Variants in DOK5 observed in about 807,000 individuals in gnomAD.
The protein encoded by DOK5 is docking protein 5.
In DOK5, 27 loss-of-function variants were observed where a neutral mutation model predicts 43.3. The ratio of observed to expected loss-of-function variants is 0.62; its 90% CI spans 0.46 to 0.86. The LOEUF is 0.86. Ranked by LOEUF, DOK5 falls within the 40% of genes least tolerant of loss-of-function variation. The pLI is 0.00. For missense variants in DOK5, 373 were observed against 392.9 expected, an observed-to-expected ratio of 0.95 and a Z score of 0.43; for synonymous variants, 146 against 140.1, an observed-to-expected ratio of 1.04 and a Z score of -0.30.
intron 6 of DOK5, among the ~76,000 whole-genome samples, chr20:54,631,930 C>G (rs995442677): frequency 2.6e-5 from 4 of 152,172 alleles, no homozygotes; most frequent in Non-Finnish European, 5.9e-5. Context: ...CAAGATTGCA[C>G]CATTGCACTC....
chr20:54,534,514 G>A (rs1017846242), intron 1 of DOK5, among the ~76,000 whole-genome samples: 2 of 152,152 alleles, frequency 1.3e-5, no homozygotes, highest in Admixed American at 1.3e-4. Flanking sequence ...TGTATTAGCT[G>A]TGTTACCTTG....
At chr20:54,490,286 A>G (rs1319770488) in intron 1 of DOK5, among the ~76,000 whole-genome samples, 1 of 152,224 alleles carries the variant, frequency 6.6e-6, no homozygotes. Flanking sequence ...TAAAAATTAA[A>G]TTATGAATTT....
intron 6 of DOK5, among the ~76,000 whole-genome samples, chr20:54,639,750 A>G (rs2180463): frequency 0.45 from 68,941 of 152,102 alleles, 17,452 homozygotes; most frequent in Middle Eastern, 0.67. Flanking sequence ...ACATACAGCA[A>G]AACCAATTTT....
At chr20:54,560,018 T>G (rs1984846136) in intron 2 of DOK5, among the ~76,000 whole-genome samples, 1 of 152,242 alleles carries the variant, frequency 6.6e-6, no homozygotes, top group South Asian at 2.1e-4. Context: ...CTAAGCTCAA[T>G]GTCAGACCTT....
intron 1 of DOK5, among the ~76,000 whole-genome samples, chr20:54,492,074 A>G (rs948189296): frequency 6.6e-6 from 1 of 151,894 alleles, no homozygotes; most frequent in African/African-American, 2.4e-5. Context: ...ATATAAATTC[A>G]TATGTCATAT....
At chr20:54,613,192 ATCTCTCTCTC>A (rs11468450) in intron 6 of DOK5, among the ~76,000 whole-genome samples, 2 of 142,968 alleles carry the variant, frequency 1.4e-5, no homozygotes. Flanking sequence ...TCTGCGCCTC[ATCTCTCTCTC>A]TCTCTCTCTC....
intron 2 of DOK5, among the ~76,000 whole-genome samples, chr20:54,571,790 C>A (rs1056930411): frequency 6.6e-6 from 1 of 152,126 alleles, no homozygotes; most frequent in Admixed American, 6.6e-5. Context: ...TGCAGCGTAC[C>A]AGCCCCTTTA....
chr20:54,492,781 C>A (rs1320452466), intron 1 of DOK5, among the ~76,000 whole-genome samples: 1 of 151,446 alleles, frequency 6.6e-6, no homozygotes, highest in Admixed American at 6.6e-5. Context: ...TGGCCAGGTG[C>A]GGTGGCTCAC....
At chr20:54,635,144 C>T (rs1010530852) in intron 6 of DOK5, among the ~76,000 whole-genome samples, 2 of 152,126 alleles carry the variant, frequency 1.3e-5, no homozygotes, top group Admixed American at 6.5e-5. Context: ...AAAACAGAGA[C>T]CTCAAGACTG....
intron 5 of DOK5, among the ~76,000 whole-genome samples, chr20:54,600,580 T>C (rs1986273491): frequency 6.6e-6 from 1 of 152,168 alleles, no homozygotes. Context: ...CTTCTCCCTG[T>C]GGAATCCAGG....
At chr20:54,617,674 G>A (rs914482333) in intron 6 of DOK5, among the ~76,000 whole-genome samples, 3 of 152,174 alleles carry the variant, frequency 2.0e-5, no homozygotes, top group African/African-American at 7.2e-5. Context: ...CAAAGGAAGG[G>A]CACCACACAA....
chr20:54,498,981 G>T (rs1026547953), intron 1 of DOK5, among the ~76,000 whole-genome samples: 1 of 152,190 alleles, frequency 6.6e-6, no homozygotes, highest in Admixed American at 6.5e-5. Flanking sequence ...ACTAATAGCT[G>T]GTTCTGTACA....
chr20:54,586,311 G>A (rs916172855), intron 2 of DOK5, among the ~76,000 whole-genome samples: 1 of 152,150 alleles, frequency 6.6e-6, no homozygotes, highest in Non-Finnish European at 1.5e-5. Context: ...GAAGAGAAAT[G>A]TTAGTTGACA....
chr20:54,643,601 C>T (rs41274718), intron 7 of DOK5, 23 bp downstream of exon 7: 90,453 of 1,607,386 alleles, frequency 0.056, 3,125 homozygotes, highest in Non-Finnish European at 0.068. Flanking sequence ...CTACCTGTGT[C>T]CAGGGTGTGG....
intron 1 of DOK5, among the ~76,000 whole-genome samples, chr20:54,547,698 A>G (rs1265280476): frequency 6.6e-6 from 1 of 152,222 alleles, no homozygotes; most frequent in Non-Finnish European, 1.5e-5. Flanking sequence ...GCTGAAAATT[A>G]GGTATAATAA....
intron 1 of DOK5, among the ~76,000 whole-genome samples, chr20:54,536,185 A>C (rs141771298): frequency 1.3e-5 from 2 of 152,340 alleles, no homozygotes; most frequent in African/African-American, 4.8e-5. Context: ...TATTGACTTG[A>C]GGTCAATTTG....
At chr20:54,495,315 G>A (rs751461903) in intron 1 of DOK5, among the ~76,000 whole-genome samples, 5 of 152,124 alleles carry the variant, frequency 3.3e-5, no homozygotes, top group Non-Finnish European at 5.9e-5. Context: ...CTCTTCCTGA[G>A]TACCTGTTTA....
intron 7 of DOK5, among the ~76,000 whole-genome samples, chr20:54,645,277 C>T (rs538488373): frequency 2.0e-5 from 3 of 147,584 alleles, no homozygotes; most frequent in East Asian, 4.1e-4. Context: ...CCTCCATGCC[C>T]GCTCTGAACC....
At chr20:54,481,514 C>A (rs747779845) in intron 1 of DOK5, among the ~76,000 whole-genome samples, 2 of 152,084 alleles carry the variant, frequency 1.3e-5, no homozygotes, top group Non-Finnish European at 2.9e-5. Context: ...TTCCTTCTTT[C>A]CCTGCCCCTT....
Sources: gnomAD v4.1 joint callset for allele counts (sites outside exome capture counted in the v4.1 genomes callset) on GRCh38, gnomAD v4.1.1 for gene constraint, MANE v1.5 for transcripts, NCBI Gene and HGNC (gene_info 2026-07-23, HGNC 2026-07-21) for gene names.